MYT1L: variants seen among roughly 807,000 people sequenced by gnomAD.
MYT1L encodes myelin transcription factor 1-like protein.
In MYT1L, 12 loss-of-function variants were observed where a neutral mutation model predicts 126.7. The observed-to-expected ratio is 0.09, with a 90% CI of 0.06 to 0.15. The LOEUF (loss-of-function observed/expected upper bound fraction) is 0.15, where lower values mean the gene tolerates loss of function less well. MYT1L is among the 10% of genes least tolerant of loss of function. MYT1L has a pLI of 1.00. For missense variants in MYT1L, 979 were observed against 1,585.2 expected, an observed-to-expected ratio of 0.62 and a Z score of 6.49; for synonymous variants, 541 against 604.2, an observed-to-expected ratio of 0.90 and a Z score of 1.53.
chr2:1,890,119 G>A (rs565185658), intron 15 of MYT1L, among the ~76,000 whole-genome samples: 1 of 151,256 alleles, frequency 6.6e-6, no homozygotes, highest in South Asian at 2.1e-4. Flanking sequence ...ATCCAGGCTG[G>A]AGTGCAGTGG....
intron 23 of MYT1L, among the ~76,000 whole-genome samples, chr2:1,799,346 G>C (rs1289011460): frequency 2.0e-5 from 3 of 152,186 alleles, no homozygotes; most frequent in Non-Finnish European, 4.4e-5. Flanking sequence ...CCTACTCTAA[G>C]CAGCCTGCGT....
intron 3 of MYT1L, among the ~76,000 whole-genome samples, chr2:2,156,285 C>T (rs1037748518): frequency 6.6e-6 from 1 of 152,174 alleles, no homozygotes; most frequent in African/African-American, 2.4e-5. Flanking sequence ...TGACTTCTTA[C>T]ACTTTTAGTT....
At chr2:1,862,902 G>A (rs931155898) in intron 18 of MYT1L, among the ~76,000 whole-genome samples, 8 of 152,160 alleles carry the variant, frequency 5.3e-5, no homozygotes, top group Admixed American at 2.0e-4. Context: ...AGAAGAAGGA[G>A]AAAGGAGGAG....
At chr2:2,220,659 G>A (rs1406060695) in intron 2 of MYT1L, among the ~76,000 whole-genome samples, 1 of 152,114 alleles carries the variant, frequency 6.6e-6, no homozygotes, top group Non-Finnish European at 1.5e-5. Flanking sequence ...GCCATTTCAA[G>A]GTATGGCAAA....
At chr2:2,088,505 C>A (rs1225543867) in intron 3 of MYT1L, among the ~76,000 whole-genome samples, 1 of 152,132 alleles carries the variant, frequency 6.6e-6, no homozygotes, top group African/African-American at 2.4e-5. Flanking sequence ...AGTCCTTCCC[C>A]TGGGCCCTGA....
At chr2:2,018,078 A>G (rs1282222560) in intron 4 of MYT1L, among the ~76,000 whole-genome samples, 1 of 152,220 alleles carries the variant, frequency 6.6e-6, no homozygotes, top group Admixed American at 6.5e-5. Context: ...TTCCACATGG[A>G]TTCAAAAGAG....
At chr2:2,096,149 A>G (rs2077446324) in intron 3 of MYT1L, among the ~76,000 whole-genome samples, 1 of 152,270 alleles carries the variant, frequency 6.6e-6, no homozygotes, top group Non-Finnish European at 1.5e-5. Flanking sequence ...TATTTTTGCA[A>G]TATCAGAAGA....
intron 4 of MYT1L, among the ~76,000 whole-genome samples, chr2:2,042,951 G>T (rs2067718889): frequency 6.6e-6 from 1 of 152,168 alleles, no homozygotes; most frequent in Non-Finnish European, 1.5e-5. Flanking sequence ...CTCACCTGGT[G>T]CCAGCAGCAC....
intron 2 of MYT1L, among the ~76,000 whole-genome samples, chr2:2,187,234 G>A (rs968422480): frequency 1.3e-5 from 2 of 152,080 alleles, no homozygotes; most frequent in East Asian, 3.9e-4. Flanking sequence ...AGCTCTGTCC[G>A]TTCCCTCTGG....
chr2:2,025,767 A>G (rs1022799106), intron 4 of MYT1L, among the ~76,000 whole-genome samples: 5 of 152,196 alleles, frequency 3.3e-5, no homozygotes, highest in Admixed American at 3.3e-4. Context: ...TCATTTACAT[A>G]AATTTACATA....
At chr2:1,849,422 C>T (rs1442491168) in intron 19 of MYT1L, among the ~76,000 whole-genome samples, 1 of 152,174 alleles carries the variant, frequency 6.6e-6, no homozygotes, top group African/African-American at 2.4e-5. Flanking sequence ...TCGTGTTCTA[C>T]CAAATGTGGT....
chr2:2,189,247 G>A (rs1398421303), intron 2 of MYT1L, among the ~76,000 whole-genome samples: 1 of 152,180 alleles, frequency 6.6e-6, no homozygotes, highest in Non-Finnish European at 1.5e-5. Context: ...CCTGACTCCT[G>A]TGTTGCTCAC....
intron 3 of MYT1L, among the ~76,000 whole-genome samples, chr2:2,080,504 T>C (rs923097339): frequency 1.3e-5 from 2 of 152,200 alleles, no homozygotes; most frequent in Non-Finnish European, 2.9e-5. Flanking sequence ...AATTTAATAA[T>C]GTACAAATGA....
At chr2:1,957,577 C>G (rs1298208755) in intron 8 of MYT1L, among the ~76,000 whole-genome samples, 1 of 151,012 alleles carries the variant, frequency 6.6e-6, no homozygotes, top group Non-Finnish European at 1.5e-5. Flanking sequence ...TATCAATCAC[C>G]TATCATCCAT....
At chr2:2,171,619 C>T (rs1425290335) in intron 3 of MYT1L, among the ~76,000 whole-genome samples, 2 of 150,606 alleles carry the variant, frequency 1.3e-5, no homozygotes, top group Admixed American at 6.6e-5. Flanking sequence ...TTCTTTTTGT[C>T]GTCGTCGTTG....
Position 2,164,567 on chromosome 2 carries a change from T to C in MYT1L, c.-304+8305A>G, listed in dbSNP as rs138104746. Among the ~76,000 whole-genome samples, 30 of 152,312 alleles carry C rather than the reference T, an allele frequency of 2.0e-4. 2 individuals are homozygous for C. Among genetic ancestry groups the C allele is most frequent in the African/African-American group, 6.7e-4 (28 of 41,562 alleles). The stretch of plus-strand genomic sequence containing the variant: ...CACTGGCTCTCATTTTTTGGTTACT[T>C]TCCAAGACTTAGCACAATGCCTCAC... On this transcript the variant is annotated intron_variant, in intron 3 of 24. Transcript: ENST00000647738.
chr2:2,226,266 G>C (rs1230436174), intron 2 of MYT1L, among the ~76,000 whole-genome samples: 1 of 152,178 alleles, frequency 6.6e-6, no homozygotes, highest in East Asian at 1.9e-4. Context: ...CATAGCGGGG[G>C]CTTTTCAACA....
intron 2 of MYT1L, among the ~76,000 whole-genome samples, chr2:2,204,970 G>C (rs1559331674): frequency 6.6e-6 from 1 of 151,726 alleles, no homozygotes; most frequent in Non-Finnish European, 1.5e-5. Context: ...TAGGGACATG[G>C]ATGAAGCTGG....
chr2:1,952,764 TCC>T (rs1558516420), intron 8 of MYT1L, among the ~76,000 whole-genome samples: 4 of 698 alleles, frequency 5.7e-3, no homozygotes, highest in East Asian at 0.083. Flanking sequence ...CTTCCCTCCT[TCC>T]CTCCCTTCCC....
Sources: gnomAD v4.1 joint callset for allele counts (sites outside exome capture counted in the v4.1 genomes callset) on GRCh38, gnomAD v4.1.1 for gene constraint, MANE v1.5 for transcripts, NCBI Gene and HGNC (gene_info 2026-07-23, HGNC 2026-07-21) for gene names.